The following CCDC171 variants were observed in gnomAD, a reference collection of about 807,000 sequenced individuals.
CCDC171 encodes coiled-coil domain-containing protein 171.
A neutral mutation model predicts 168.2 loss-of-function variants in CCDC171; 177 were observed. That is an observed-to-expected ratio of 1.05 (90% CI 0.93 to 1.19). CCDC171 has a LOEUF of 1.19. Among genes scored for constraint, CCDC171 ranks in the 50% most tolerant of loss-of-function variants. The pLI is 0.00. For synonymous variants in CCDC171, 687 were observed against 540.8 expected (o/e 1.27, Z -3.75); for missense variants, 1,991 against 1,539.0 (o/e 1.29, Z -4.91).
chr9:15,838,328 G>C (rs978671950), intron 21 of CCDC171, among the ~76,000 whole-genome samples: 2 of 152,100 alleles, frequency 1.3e-5, no homozygotes, highest in South Asian at 4.2e-4. Context: ...ACCTTGGTTA[G>C]AATTCTTCTG....
chr9:16,056,460 T>C (rs1422308466), intron 1 of CCDC171, among the ~76,000 whole-genome samples: 1 of 152,200 alleles, frequency 6.6e-6, no homozygotes, highest in East Asian at 1.9e-4. Flanking sequence ...CTACTATATT[T>C]GACAGAGAAG....
intron 25 of CCDC171, among the ~76,000 whole-genome samples, chr9:15,941,349 AC>A (rs1827714294): frequency 6.6e-6 from 1 of 152,082 alleles, no homozygotes; most frequent in Non-Finnish European, 1.5e-5. Context: ...TTTGTTTAAC[AC>A]TTCTGGACAC....
rs1267070350 is a variant in CCDC171 at position 15,779,083 on chromosome 9, A to C, written c.3014A>C (p.Asn1005Thr). 1.9e-6 allele frequency: 3 copies of C among 1,604,376 alleles called. No homozygotes were observed. The highest frequency in any genetic ancestry group is 1.3e-5 in the African/African-American group (1 of 74,760). The change falls in exon 20 of 26, where the codon AAT becomes ACT. Residue 1005 changes from asparagine (N) to threonine (T), a missense_variant. Physicochemically the swap from Asn to Thr is moderately conservative, Grantham distance 65 (BLOSUM62 0). Transcript: ENST00000380701. ...GTCACAGAATTCAAACGAAGTGTGA[A>C]TGAAATGAAAAAGGAGCTTGACAAA... Reference protein sequence around the residue: ...LEVTEFKRSVNEMKKELDKAQ... With the variant: ...LEVTEFKRSVTEMKKELDKAQ...
chr9:15,679,739 A>G (rs1183587516), intron 10 of CCDC171, among the ~76,000 whole-genome samples: 1 of 152,050 alleles, frequency 6.6e-6, no homozygotes, highest in Non-Finnish European at 1.5e-5. Context: ...TACAGAGATG[A>G]GGTCTCGCTA....
chr9:15,694,258 G>T (rs1264453432), intron 10 of CCDC171, among the ~76,000 whole-genome samples: 3 of 152,234 alleles, frequency 2.0e-5, no homozygotes, highest in Non-Finnish European at 2.9e-5. Context: ...GTTTCAGACA[G>T]TATCTGTAGA....
chr9:15,643,844 A>G (rs951492999), intron 7 of CCDC171, among the ~76,000 whole-genome samples: 1 of 151,994 alleles, frequency 6.6e-6, no homozygotes, highest in African/African-American at 2.4e-5. Flanking sequence ...TTTGTATTTG[A>G]CTTCTTTTAC....
At chr9:15,796,294 AG>A (rs933538465) in intron 21 of CCDC171, among the ~76,000 whole-genome samples, 5 of 152,166 alleles carry the variant, frequency 3.3e-5, no homozygotes, top group Non-Finnish European at 5.9e-5. Flanking sequence ...AATGCTCTCC[AG>A]GGGGACAAAA....
At chr9:15,766,342 C>G (rs2056721737) in intron 18 of CCDC171, among the ~76,000 whole-genome samples, 1 of 152,094 alleles carries the variant, frequency 6.6e-6, no homozygotes, top group Non-Finnish European at 1.5e-5. Context: ...CTCCTGGGCT[C>G]AAGGGATCCT....
intron 24 of CCDC171, among the ~76,000 whole-genome samples, chr9:15,917,651 A>G (rs568341172): frequency 6.6e-6 from 1 of 151,816 alleles, no homozygotes; most frequent in African/African-American, 2.4e-5. Context: ...CATTTATATT[A>G]TTTATTCCTT....
At chr9:15,956,256 G>T (rs1040352935) in intron 25 of CCDC171, among the ~76,000 whole-genome samples, 1 of 152,170 alleles carries the variant, frequency 6.6e-6, no homozygotes, top group Non-Finnish European at 1.5e-5. Flanking sequence ...ACTGTGCTTT[G>T]CCTGGTGTGA....
chr9:15,881,591 T>A (rs1450043982), intron 24 of CCDC171, among the ~76,000 whole-genome samples: 1 of 152,194 alleles, frequency 6.6e-6, no homozygotes, highest in African/African-American at 2.4e-5. Context: ...CACCATATAT[T>A]TGTACCCATT....
In CCDC171 at chr9:15,666,173, G is replaced by A. The variant is rs1057209618; in HGVS notation, c.926G>A (p.Arg309Gln). 5 of 1,613,284 alleles carry A rather than the reference G, an allele frequency of 3.1e-6. No individual in the cohort carries two copies. Among genetic ancestry groups the A allele is most frequent in the Non-Finnish European group, 2.5e-6 (3 of 1,179,722 alleles). The change falls in exon 9 of 26, where the codon CGA (arginine) becomes CAA (glutamine). Residue 309 changes from arginine to glutamine, a missense_variant. Coordinates refer to ENST00000380701, the MANE Select transcript of CCDC171 (RefSeq NM_173550.4). ...FNSEIIQLRIRDLEGALQVEK... is the reference protein window; with the variant it reads ...FNSEIIQLRIQDLEGALQVEK... ...TCTGTCGTCCGGTAGTTACGGATTC[G>A]AGACCTTGAAGGAGCTTTGCAAGTA...
intron 25 of CCDC171, among the ~76,000 whole-genome samples, chr9:15,956,048 A>G (rs755441319): frequency 7.9e-5 from 12 of 152,218 alleles, no homozygotes; most frequent in Admixed American, 5.2e-4. Context: ...CTAATTACTT[A>G]GTAATTCATT....
intron 11 of CCDC171, among the ~76,000 whole-genome samples, chr9:15,706,003 A>T (rs1427572094): frequency 2.6e-5 from 4 of 152,182 alleles, no homozygotes; most frequent in African/African-American, 9.7e-5. Flanking sequence ...AGAAAGATTG[A>T]CCTCCAGTGG....
At chr9:15,935,331 C>T (rs1826989103) in intron 25 of CCDC171, among the ~76,000 whole-genome samples, 1 of 151,968 alleles carries the variant, frequency 6.6e-6, no homozygotes. Flanking sequence ...TGACTCACCT[C>T]AAAGCTTTGG....
At chr9:16,055,556 G>T (rs1833826488) in intron 1 of CCDC171, among the ~76,000 whole-genome samples, 1 of 152,240 alleles carries the variant, frequency 6.6e-6, no homozygotes, top group Non-Finnish European at 1.5e-5. Flanking sequence ...ACGCCGCTGG[G>T]CCCTGTGAGG....
At chr9:15,625,568 G>C (rs1410510744) in intron 7 of CCDC171, among the ~76,000 whole-genome samples, 8 of 152,162 alleles carry the variant, frequency 5.3e-5, no homozygotes, top group East Asian at 3.9e-4. Flanking sequence ...ATTTATTAAA[G>C]AGGGAGTCCT....
chr9:15,892,674 A>G (rs767573216), intron 24 of CCDC171, among the ~76,000 whole-genome samples: 20 of 152,126 alleles, frequency 1.3e-4, no homozygotes, highest in Admixed American at 3.9e-4. Context: ...ATGAATTTCC[A>G]TTCACAGTTG....
Position 15,559,822 on chromosome 9 carries a change from A to G in CCDC171, c.-111-4156A>G, listed in dbSNP as rs1019979194. 2.6e-5 allele frequency among the ~76,000 whole-genome samples: 4 copies of G among 152,088 alleles called. No homozygotes were observed. In the South Asian group the frequency reaches 8.3e-4, roughly 32 times the overall value. On this transcript the variant is annotated intron_variant, in intron 1 of 25. Coordinates refer to ENST00000380701, the MANE Select transcript of CCDC171 (RefSeq NM_173550.4). ...CATTAGTTGATGCAGTTTTTTTCCT[A>G]GGCTCGATGGTCTTTACAATTTGGC... is the stretch of plus-strand genomic sequence containing the variant.
Sources: gnomAD v4.1 joint callset for allele counts (sites outside exome capture counted in the v4.1 genomes callset) on GRCh38, gnomAD v4.1.1 for gene constraint, MANE v1.5 for transcripts, NCBI Gene and HGNC (gene_info 2026-07-23, HGNC 2026-07-21) for gene names.